SV2C: variants seen among roughly 807,000 people sequenced by gnomAD.
SV2C encodes solute carrier family 22 member B3.
In SV2C, 49 loss-of-function variants were observed where a neutral mutation model predicts 79.7. That is an observed-to-expected ratio of 0.61 (90% confidence interval 0.49 to 0.78). SV2C has a LOEUF of 0.78. SV2C is among the 30% of genes least tolerant of loss of function. The pLI is 0.00. For synonymous variants in SV2C, 334 were observed against 333.2 expected, an observed-to-expected ratio of 1.00 and a Z score of -0.03; for missense variants, 833 against 912.9, an observed-to-expected ratio of 0.91 and a Z score of 1.13.
chr5:76,331,774 A>C lies in SV2C; in HGVS notation c.*6227A>C, dbSNP rs915843840. 6.6e-6 allele frequency: 1 copy of C among 152,408 alleles called. No homozygotes were observed. The highest frequency in any genetic ancestry group is 2.4e-5 in the African/African-American group (1 of 41,424). 9.4% of individuals were successfully genotyped at this position (152,408 alleles called of 1,614,324 possible). The stretch of plus-strand genomic sequence containing the variant: ...GGCACTTGGGATGAAAGGCCCATCC[A>C]TGCCTGTTGTGGAGGCACAGAGGAG... On this transcript the variant is annotated 3_prime_UTR_variant, in exon 13 of 13. Coordinates refer to ENST00000502798, the MANE Select transcript of SV2C (RefSeq NM_014979.4).
At chr5:76,231,440 A>AT (rs945640084) in intron 4 of SV2C, among the ~76,000 whole-genome samples, 12 of 151,184 alleles carry the variant, frequency 7.9e-5, no homozygotes, top group Middle Eastern at 3.4e-3. Context: ...TTATTTATTT[A>AT]TTTTTTTTTA....
the SV2C span, among the ~76,000 whole-genome samples, chr5:75,980,964 C>T: frequency 6.6e-6 from 1 of 152,140 alleles, no homozygotes; most frequent in Admixed American, 6.6e-5. Flanking sequence ...CTAGAAAGCC[C>T]CATACTCTCA....
At chr5:76,320,197 A>C (rs1748783687) in intron 12 of SV2C, among the ~76,000 whole-genome samples, 1 of 151,540 alleles carries the variant, frequency 6.6e-6, no homozygotes, top group South Asian at 2.1e-4. Flanking sequence ...GTCTTTAAAA[A>C]GCTACATACT....
At chr5:75,858,380 A>G in the SV2C span, among the ~76,000 whole-genome samples, 1 of 152,114 alleles carries the variant, frequency 6.6e-6, no homozygotes, top group Non-Finnish European at 1.5e-5. Context: ...TTTGTCCTTC[A>G]TTCTGTTGAT....
intron 12 of SV2C, among the ~76,000 whole-genome samples, chr5:76,312,078 C>T (rs1748461589): frequency 6.6e-6 from 1 of 152,164 alleles, no homozygotes; most frequent in Admixed American, 6.5e-5. Context: ...AGTTGTAAAT[C>T]TCTCAAAAGT....
At chr5:75,871,165 CAA>C in the SV2C span, among the ~76,000 whole-genome samples, 1 of 151,882 alleles carries the variant, frequency 6.6e-6, no homozygotes, top group African/African-American at 2.4e-5. Flanking sequence ...TAGATAGATG[CAA>C]AAAAGACATT....
upstream of SV2C, chr5:76,078,719 T>C (rs1332679649): frequency 5.5e-6 from 3 of 542,536 alleles, no homozygotes; most frequent in African/African-American, 3.8e-5. Context: ...CCAAAGCTGA[T>C]GGCAAGACCA....
intron 4 of SV2C, among the ~76,000 whole-genome samples, chr5:76,215,323 G>C (rs1031740744): frequency 1.3e-5 from 2 of 152,068 alleles, no homozygotes; most frequent in African/African-American, 4.8e-5. Flanking sequence ...GGGAGTGGGG[G>C]GATGTGAATG....
At chr5:76,038,160 T>A in the SV2C span, among the ~76,000 whole-genome samples, 2 of 152,240 alleles carry the variant, frequency 1.3e-5, no homozygotes, top group African/African-American at 4.8e-5. Flanking sequence ...CCTAGTGAGA[T>A]GAACCCGGTA....
the SV2C span, chr5:76,075,419 G>A: frequency 6.5e-6 from 1 of 152,762 alleles, no homozygotes. Context: ...AGAATGTAAT[G>A]AGCCCATTCC....
the SV2C span, among the ~76,000 whole-genome samples, chr5:75,871,893 TTAAC>T: frequency 6.8e-6 from 1 of 147,594 alleles, no homozygotes. Context: ...TTATTATACT[TTAAC>T]TTTTAGGGTA....
At chr5:76,175,157 C>G (rs1743483359) in intron 2 of SV2C, among the ~76,000 whole-genome samples, 2 of 152,224 alleles carry the variant, frequency 1.3e-5, no homozygotes, top group African/African-American at 4.8e-5. Context: ...AACCCCTACG[C>G]TGGCCTGGTG....
At chr5:76,217,541 A>T in intron 4 of SV2C, among the ~76,000 whole-genome samples, 1 of 152,184 alleles carries the variant, frequency 6.6e-6, no homozygotes, top group East Asian at 1.9e-4. Flanking sequence ...CCTAGTCAGC[A>T]TTGTAGTAAG....
the SV2C span, among the ~76,000 whole-genome samples, chr5:76,054,701 T>C: frequency 6.6e-6 from 1 of 152,218 alleles, no homozygotes; most frequent in Admixed American, 6.5e-5. Context: ...TGGCATGAGG[T>C]TTTATCTCAT....
the SV2C span, among the ~76,000 whole-genome samples, chr5:75,991,141 A>C: frequency 6.6e-6 from 1 of 151,992 alleles, no homozygotes; most frequent in Non-Finnish European, 1.5e-5. Flanking sequence ...TTTTTTAAAA[A>C]AATATTTAAC....
chr5:76,242,017 A>C (rs1321045301), intron 4 of SV2C: 34 of 1,368,104 alleles, frequency 2.5e-5, no homozygotes, highest in Non-Finnish European at 3.5e-5. Context: ...TCAAAAATGC[A>C]CACACTTCAC....
chr5:75,930,796 T>C, the SV2C span, among the ~76,000 whole-genome samples: 3 of 152,332 alleles, frequency 2.0e-5, no homozygotes, highest in Non-Finnish European at 2.9e-5. Context: ...AGATCTTTTA[T>C]GGGCCATTTA....
At chr5:75,914,360 A>G in the SV2C span, among the ~76,000 whole-genome samples, 1 of 152,190 alleles carries the variant, frequency 6.6e-6, no homozygotes, top group Non-Finnish European at 1.5e-5. Context: ...TTTGAGTAAT[A>G]TTCAATCAAA....
chr5:75,873,649 T>TA, the SV2C span, among the ~76,000 whole-genome samples: 1 of 152,136 alleles, frequency 6.6e-6, no homozygotes, highest in Admixed American at 6.6e-5. Context: ...ACTTAAAATT[T>TA]AAAAAAATTA....
Sources: allele counts gnomAD v4.1 joint callset (sites outside exome capture counted in the v4.1 genomes callset), GRCh38; gene constraint gnomAD v4.1.1; transcripts MANE v1.5; gene names NCBI Gene and HGNC (gene_info 2026-07-23, HGNC 2026-07-21).